KIRREL2: variants seen among roughly 807,000 people sequenced by gnomAD.
KIRREL2 encodes kirre like nephrin family adhesion molecule 2.
Under a neutral mutation model 73.4 loss-of-function variants are expected in KIRREL2, and 56 were observed. The observed-to-expected ratio is 0.76, with a 90% CI of 0.62 to 0.95. The LOEUF (loss-of-function observed/expected upper bound fraction) is 0.95, where lower values mean the gene tolerates loss of function less well. KIRREL2 is among the 40% of genes least tolerant of loss of function. The pLI is 0.00. For synonymous variants in KIRREL2, 407 were observed against 404.0 expected (o/e 1.01, Z -0.09); for missense variants, 896 against 935.0 (o/e 0.96, Z 0.54).
Position 35,866,279 on chromosome 19 carries a change from C to A in KIRREL2, c.1914C>A (p.Thr638=). ...PSPLGPPGTP[T]FYDFNPHLGM... is the part of the protein sequence containing the mutation. ...CCCTTGGGCCCCCAGGGACCCCTAC[C>A]TTCTATGACTTCAACCCACACCTGG... Residue 638 remains threonine, a synonymous_variant, in exon 15 of 15, where the codon ACC becomes ACA. Transcript: ENST00000360202. 1 of 1,612,838 alleles carries A rather than the reference C, an allele frequency of 6.2e-7. No homozygotes were observed. Among genetic ancestry groups the A allele is most frequent in the Non-Finnish European group, 8.5e-7 (1 of 1,178,920 alleles).
Position 35,857,442 on chromosome 19 carries a change from A to C in KIRREL2, c.159A>C (p.Leu53=). Residue 53 remains leucine (L), a synonymous_variant, in exon 2 of 15, where the codon CTA becomes CTC. Transcript: ENST00000360202. ...GTGCTCTGGGCGCCTACTGGGGGCTAGTTCAGTGGACTAAGAGTGGGCTGG... is the reference window on the plus strand; with the variant it reads ...GTGCTCTGGGCGCCTACTGGGGGCTCGTTCAGTGGACTAAGAGTGGGCTGG... ...LPCALGAYWG[L]VQWTKSGLAL... 1 of 1,612,430 alleles carries C rather than the reference A, an allele frequency of 6.2e-7. No homozygotes were observed. The highest frequency in any genetic ancestry group is 8.5e-7 in the Non-Finnish European group (1 of 1,179,604).
At position 35,866,236 on chromosome 19, in the gene KIRREL2, T is replaced by C; in HGVS notation, c.1871T>C (p.Phe624Ser). 6.2e-7 allele frequency: 1 copy of C among 1,611,750 alleles called. No homozygotes were observed. The highest frequency in any genetic ancestry group is 8.5e-7 in the Non-Finnish European group (1 of 1,178,026). ...GGCGAAGCCCCTGGAGGAGGTCTCT[T>C]CCTGCCACCACCCTCCCCCCTTGGG... Reference protein sequence around the residue: ...SLGEAPGGGLFLPPPSPLGPP... With the variant: ...SLGEAPGGGLSLPPPSPLGPP... Residue 624 changes from phenylalanine (F) to serine (S), a missense_variant, in exon 15 of 15, where the codon TTC (phenylalanine) becomes TCC (serine). By Grantham distance (155) the Phe-to-Ser change is radical. Coordinates refer to ENST00000360202, the MANE Select transcript of KIRREL2 (RefSeq NM_199180.4).
chr19:35,857,278 C>T (rs1474108945), intron 1 of KIRREL2, 67 bp from the exon 2 acceptor site: 3 of 1,608,680 alleles, frequency 1.9e-6, no homozygotes, highest in Non-Finnish European at 2.5e-6. Context: ...GGCTGGGACT[C>T]CTGGGTCCTG....
chr19:35,864,147 C>G (rs1465412016), intron 13 of KIRREL2, among the ~76,000 whole-genome samples: 1 of 151,924 alleles, frequency 6.6e-6, no homozygotes, highest in African/African-American at 2.4e-5. Context: ...CAATTATTCC[C>G]TAGGCCCAGT....
Position 35,857,466 on chromosome 19 carries a change from G to C in KIRREL2, c.183G>C (p.Leu61=), listed in dbSNP as rs61745185. ...TAGTTCAGTGGACTAAGAGTGGGCT[G>C]GCCCTAGGGGGCCAAAGGGACCTAC... ...WGLVQWTKSG[L]ALGGQRDLPG... is the part of the protein sequence containing the mutation. The change falls in exon 2 of 15, where the codon CTG becomes CTC. Residue 61 remains leucine (L), a synonymous_variant. Transcript: ENST00000360202. The C allele has an allele frequency of 4.4e-6, 7 of 1,603,932 alleles. No individual in the cohort carries two copies.
upstream of KIRREL2, among the ~76,000 whole-genome samples, chr19:35,856,423 AG>A (rs749120035): frequency 1.3e-5 from 2 of 152,030 alleles, no homozygotes; most frequent in African/African-American, 2.4e-5. This position sits in a 1 kb window ranked among gnomAD's most constrained non-coding sequence, Gnocchi z 5.9. Flanking sequence ...TATTTTGAGG[AG>A]GGGTTTTGAG....
chr19:35,866,436 T>G lies in KIRREL2; in HGVS notation c.2071T>G (p.Phe691Val), dbSNP rs773409667. 1.3e-5 allele frequency: 21 copies of G among 1,594,042 alleles called. No homozygotes were observed. The highest frequency in any genetic ancestry group is 1.7e-4 in the Middle Eastern group (1 of 6,022). Residue 691 changes from phenylalanine to valine, a missense_variant, in exon 15 of 15, where the codon TTC becomes GTC. Transcript: ENST00000360202. ...PPDLAPGTPP[F>V]PYAAFPTPSH... The stretch of plus-strand genomic sequence containing the variant: ...AGATCTGGCCCCCGGGACTCCCCCC[T>G]TCCCATATGCTGCCTTCCCCACACC...
intron 13 of KIRREL2, 79 bp from the exon 14 acceptor site, chr19:35,864,569 T>C: frequency 8.4e-7 from 1 of 1,186,252 alleles, no homozygotes; most frequent in South Asian, 1.2e-5. Flanking sequence ...CTCCACTGGC[T>C]GGCTGAAGGT....
rs1292229787 is a variant in KIRREL2 at position 35,857,335 on chromosome 19, A to G, written c.62-10A>G. On this transcript the variant is annotated splice_polypyrimidine_tract_variant and intron_variant, in intron 1 of 14. Coordinates refer to ENST00000360202, the MANE Select transcript of KIRREL2 (RefSeq NM_199180.4). ...GCTAAGCTCAGCCCTGCTGCCCCGA[A>G]CTCTCCTAGGCCCGTCGCCCCATTT... is the stretch of plus-strand genomic sequence containing the variant. 1.2e-6 allele frequency: 2 copies of G among 1,611,884 alleles called. No individual in the cohort carries two copies. The highest frequency in any genetic ancestry group is 2.2e-5 in the East Asian group (1 of 44,860).
intron 14 of KIRREL2, 130 bp downstream of exon 14, chr19:35,864,843 C>G: frequency 1.5e-6 from 1 of 684,414 alleles, no homozygotes; most frequent in South Asian, 1.9e-5. Context: ...TGGGACTCAG[C>G]TCCCCACCCC....
At position 35,861,618 on chromosome 19, in the gene KIRREL2, G is replaced by A. The variant is rs773990099; in HGVS notation, c.1267G>A (p.Ala423Thr). Residue 423 changes from alanine to threonine, a missense_variant, in exon 10 of 15, where the codon GCC (alanine) becomes ACC (threonine). Coordinates refer to ENST00000360202, the MANE Select transcript of KIRREL2 (RefSeq NM_199180.4). ...GPARLQCLVF[A>T]SPAPDAVVWS... is the part of the protein sequence containing the mutation. ...TGCTCGCCTCCAGTGTCTGGTTTTC[G>A]CCTCTCCCGCCCCAGATGCCGTGGT... is the stretch of plus-strand genomic sequence containing the variant. 3.1e-6 allele frequency: 5 copies of A among 1,613,418 alleles called. No homozygotes were observed. The highest frequency in any genetic ancestry group is 4.2e-6 in the Non-Finnish European group (5 of 1,179,766).
chr19:35,864,673 GTGA>G lies in KIRREL2; in HGVS notation c.1753_1755del (p.Asp585del). ...GGCCCCATTGTGCACACTGACCACA[GTGA>G]TCTGGTTCTGGAGGAGGAAGGGACT... On this transcript the variant is annotated inframe_deletion, in exon 14 of 15. Coordinates refer to ENST00000360202, the MANE Select transcript of KIRREL2 (RefSeq NM_199180.4). The G allele has an allele frequency of 6.2e-7, 1 of 1,613,200 alleles. No homozygotes were observed. Among genetic ancestry groups the G allele is most frequent in the Non-Finnish European group, 8.5e-7 (1 of 1,179,226 alleles).
upstream of KIRREL2, chr19:35,851,412 G>C: frequency 6.2e-7 from 1 of 1,612,226 alleles, no homozygotes; most frequent in Non-Finnish European, 8.5e-7. Flanking sequence ...AGTCAGGGCC[G>C]CAGCTTCCGC....
intron 2 of KIRREL2, 141 bp from the exon 3 acceptor site, chr19:35,858,267 C>A: frequency 1.1e-6 from 1 of 937,622 alleles, no homozygotes; most frequent in Admixed American, 2.4e-5. Context: ...TAGAGTCTCT[C>A]TGGGCCCAGT....
At chr19:35,856,755 A>G (rs868451861), upstream of KIRREL2, 16 of 388,502 alleles carry the variant, frequency 4.1e-5, no homozygotes, top group African/African-American at 8.5e-5. This position sits in a 1 kb window ranked among gnomAD's most constrained non-coding sequence, Gnocchi z 5.9. Context: ...CCAGACCCCA[A>G]TTGAGCTGGG....
upstream of KIRREL2, chr19:35,851,928 G>A: frequency 9.2e-7 from 1 of 1,084,990 alleles, no homozygotes; most frequent in Non-Finnish European, 1.4e-6. Flanking sequence ...GTGTGTCTCT[G>A]CCACCTGCTT....
At chr19:35,863,357 A>G (rs1973796095) in intron 13 of KIRREL2, among the ~76,000 whole-genome samples, 1 of 151,986 alleles carries the variant, frequency 6.6e-6, no homozygotes, top group Non-Finnish European at 1.5e-5. Flanking sequence ...ACAGGAGGTA[A>G]AGGCTGCAGT....
Position 35,860,356 on chromosome 19 carries a change from A to G in KIRREL2, c.733A>G (p.Ile245Val), listed in dbSNP as rs1475978970. ...CACTGTGCAGGAGGGAGAGAAGGTCATTTTCCTGTGCCAGGCCACAGCCCA... is the reference window on the plus strand; with the variant it reads ...CACTGTGCAGGAGGGAGAGAAGGTCGTTTTCCTGTGCCAGGCCACAGCCCA... ...PHTVQEGEKVIFLCQATAQPP... is the reference protein window; with the variant it reads ...PHTVQEGEKVVFLCQATAQPP... Residue 245 changes from isoleucine (I) to valine (V), a missense_variant, in exon 6 of 15, where the codon ATT becomes GTT. By Grantham distance (29) the Ile-to-Val change is conservative. Coordinates refer to ENST00000360202, the MANE Select transcript of KIRREL2 (RefSeq NM_199180.4). The G allele has an allele frequency of 5.0e-6, 8 of 1,613,810 alleles. No individual in the cohort carries two copies. The East Asian group carries it at 1.1e-4, about 22-fold the overall frequency.
intron 11 of KIRREL2, 34 bp downstream of exon 11, chr19:35,862,058 G>A (rs575540235): frequency 2.6e-6 from 4 of 1,560,710 alleles, no homozygotes; most frequent in Middle Eastern, 3.7e-4. Context: ...CAAATCTGGA[G>A]AGTCTAAACC....
Sources: gnomAD v4.1 joint callset for allele counts (sites outside exome capture counted in the v4.1 genomes callset) on GRCh38, gnomAD v4.1.1 for gene constraint, Gnocchi (gnomAD v3.1) non-coding constraint, MANE v1.5 for transcripts, NCBI Gene and HGNC (gene_info 2026-07-23, HGNC 2026-07-21) for gene names.